KIF13A: variants seen among roughly 807,000 people sequenced by gnomAD.
KIF13A encodes the protein kinesin family member 13A.
In KIF13A, 79 loss-of-function variants were observed where a neutral mutation model predicts 212.2. The ratio of observed to expected loss-of-function variants is 0.37; its 90% CI spans 0.31 to 0.45. The LOEUF (loss-of-function observed/expected upper bound fraction) is 0.45. Among genes scored for constraint, KIF13A ranks in the 20% least tolerant of loss-of-function variants. KIF13A has a pLI of 1.00. For synonymous variants in KIF13A, 789 were observed against 808.6 expected (o/e 0.98, Z 0.41); for missense variants, 1,901 against 2,209.0 (o/e 0.86, Z 2.79).
At chr6:17,813,786 C>T (rs1399265630) in intron 17 of KIF13A, among the ~76,000 whole-genome samples, 2 of 152,060 alleles carry the variant, frequency 1.3e-5, no homozygotes, top group African/African-American at 4.8e-5. Context: ...GATCCCATCG[C>T]CCAATTTACC....
At chr6:17,882,732 T>C (rs1771191189) in intron 3 of KIF13A, among the ~76,000 whole-genome samples, 1 of 152,118 alleles carries the variant, frequency 6.6e-6, no homozygotes, top group Admixed American at 6.6e-5. Flanking sequence ...TGGCTAATTT[T>C]TGTATTTTTA....
At chr6:17,859,551 C>A (rs1768497653) in intron 4 of KIF13A, among the ~76,000 whole-genome samples, 1 of 148,998 alleles carries the variant, frequency 6.7e-6, no homozygotes, top group Admixed American at 6.7e-5. Flanking sequence ...AACTTGTATT[C>A]TTTTATTATT....
intron 25 of KIF13A, among the ~76,000 whole-genome samples, chr6:17,791,620 G>T (rs764738103): frequency 4.6e-5 from 7 of 152,110 alleles, no homozygotes; most frequent in Non-Finnish European, 1.0e-4. Context: ...GTGAACAGTT[G>T]CTGGGTGTGG....
At chr6:17,840,285 G>A (rs1253625716) in intron 9 of KIF13A, among the ~76,000 whole-genome samples, 11 of 152,068 alleles carry the variant, frequency 7.2e-5, no homozygotes, top group Admixed American at 7.2e-4. Flanking sequence ...CTCCTCCAAA[G>A]GTAACAATTT....
rs1178354149 is a variant in KIF13A at position 17,773,980 on chromosome 6, C to T, written c.4219-397G>A. ...GACAACTGTTCCATTAGTAATTCTG[C>T]CTGGGTAGAAGGCACAGCTGAGACT... On this transcript the variant is annotated intron_variant, in intron 35 of 38. Coordinates refer to ENST00000259711, the MANE Select transcript of KIF13A (RefSeq NM_022113.6). This position sits in a 1 kb window ranked among gnomAD's most constrained non-coding sequence, Gnocchi z 4.2. Among the ~76,000 whole-genome samples the T allele has an allele frequency of 6.6e-6, 1 of 152,128 alleles. No homozygotes were observed. Among genetic ancestry groups the T allele is most frequent in the Admixed American group, 6.5e-5 (1 of 15,270 alleles).
rs1219714287 is a variant in KIF13A at position 17,855,437 on chromosome 6, C to T, written c.494G>A (p.Gly165Glu). The T allele has an allele frequency of 1.2e-6, 2 of 1,606,312 alleles. No individual in the cohort carries two copies. The highest frequency in any genetic ancestry group is 2.2e-5 in the East Asian group (1 of 44,800). The stretch of plus-strand genomic sequence containing the variant: ...CACTTAATCTTGACCACTAACTTAC[C>T]CTTTGGGGTCTAAAAGATCCCGAAC... ...EKVRDLLDPK[G>E]SRQSLKVREH... Residue 165 changes from glycine to glutamate, a missense_variant and splice_region_variant, in exon 6 of 39, where the codon GGG (glycine) becomes GAG (glutamate). By Grantham distance (98) the Gly-to-Glu change is moderately conservative. Coordinates refer to ENST00000259711, the MANE Select transcript of KIF13A (RefSeq NM_022113.6). The surrounding 1 kb of genome is among the most constrained non-coding windows in gnomAD (Gnocchi z 4.1).
intron 2 of KIF13A, among the ~76,000 whole-genome samples, chr6:17,948,206 C>A (rs892861959): frequency 4.6e-5 from 7 of 152,142 alleles, no homozygotes; most frequent in Admixed American, 3.3e-4. Flanking sequence ...GCTGAAATAG[C>A]CAGACTGAAG....
At position 17,984,053 on chromosome 6, in the gene KIF13A, T is replaced by A. The variant is rs747887366; in HGVS notation, c.146+3001A>T. Among the ~76,000 whole-genome samples, 2 of 152,046 alleles carry A rather than the reference T, an allele frequency of 1.3e-5. No homozygotes were observed. Among genetic ancestry groups the A allele is most frequent in the Non-Finnish European group, 2.9e-5 (2 of 68,014 alleles). On this transcript the variant is annotated intron_variant, in intron 2 of 38. Coordinates refer to ENST00000259711, the MANE Select transcript of KIF13A (RefSeq NM_022113.6). The surrounding 1 kb of genome is among the most constrained non-coding windows in gnomAD (Gnocchi z 5.0). ...GCTAAGCCCTTGCTAAGTGCCAGTA[T>A]GCAGGAGCATGAGGTACAAAGAGAA... is the stretch of plus-strand genomic sequence containing the variant.
intron 2 of KIF13A, among the ~76,000 whole-genome samples, chr6:17,917,244 T>G (rs1245745129): frequency 1.4e-5 from 2 of 144,668 alleles, no homozygotes; most frequent in East Asian, 4.0e-4. Flanking sequence ...TCTTTTTTTT[T>G]TTTTTTTTTT....
At chr6:17,904,164 AT>A (rs1773292958) in intron 2 of KIF13A, among the ~76,000 whole-genome samples, 1 of 151,676 alleles carries the variant, frequency 6.6e-6, no homozygotes, top group South Asian at 2.1e-4. Context: ...CTCAAAAAAA[AT>A]AATAAAAATA....
intron 3 of KIF13A, among the ~76,000 whole-genome samples, chr6:17,887,696 C>T (rs1293781962): frequency 6.6e-6 from 1 of 151,870 alleles, no homozygotes; most frequent in Non-Finnish European, 1.5e-5. Flanking sequence ...TTACATACAT[C>T]TTGATTCTTT....
At chr6:17,885,726 A>G (rs781278233) in intron 3 of KIF13A, among the ~76,000 whole-genome samples, 12 of 152,234 alleles carry the variant, frequency 7.9e-5, no homozygotes, top group Non-Finnish European at 1.5e-4. Flanking sequence ...GACCAATATT[A>G]TAACAGCACA....
intron 2 of KIF13A, among the ~76,000 whole-genome samples, chr6:17,972,176 C>T (rs1206577302): frequency 2.0e-5 from 3 of 152,172 alleles, no homozygotes; most frequent in South Asian, 2.1e-4. Flanking sequence ...AATTTAACAC[C>T]GTTATCTTGA....
At chr6:17,841,202 A>G (rs1488948918) in intron 9 of KIF13A, among the ~76,000 whole-genome samples, 1 of 151,116 alleles carries the variant, frequency 6.6e-6, no homozygotes, top group Non-Finnish European at 1.5e-5. Flanking sequence ...TCTCCTGAGT[A>G]GCTGGAACTA....
downstream of KIF13A, among the ~76,000 whole-genome samples, chr6:17,763,475 C>CAAAA (rs67357010): frequency 1.2e-3 from 94 of 75,496 alleles, no homozygotes; most frequent in Middle Eastern, 7.8e-3. Context: ...CACTCCATCT[C>CAAAA]AAAAAAAAAA....
rs1436898097 is a variant in KIF13A, at chr6:17,808,752, T to C, written c.2163+16A>G. ...CTATTGTGCATCTTGCCCTCTCACTTGAAGGACATTCTTACCTTCCTATTG... is the reference window on the plus strand; with the variant it reads ...CTATTGTGCATCTTGCCCTCTCACTCGAAGGACATTCTTACCTTCCTATTG... On this transcript the variant is annotated intron_variant, in intron 18 of 38. Transcript: ENST00000259711. 5 of 1,606,208 alleles carry C rather than the reference T, an allele frequency of 3.1e-6. No individual in the cohort carries two copies. The South Asian group carries it at 4.4e-5, about 14-fold the overall frequency.
At chr6:17,801,917 C>A (rs1457971414) in intron 20 of KIF13A, among the ~76,000 whole-genome samples, 1 of 152,116 alleles carries the variant, frequency 6.6e-6, no homozygotes, top group Non-Finnish European at 1.5e-5. Context: ...TGGATAGGAG[C>A]CAGTTTAACC....
rs1164085757 is a variant in KIF13A at position 17,968,425 on chromosome 6, CA to C, written c.146+18628del. 6.6e-6 allele frequency among the ~76,000 whole-genome samples: 1 copy of C among 152,194 alleles called. No individual in the cohort carries two copies. Among genetic ancestry groups the C allele is most frequent in the Non-Finnish European group, 1.5e-5 (1 of 68,028 alleles). On this transcript the variant is annotated intron_variant, in intron 2 of 38. Transcript: ENST00000259711. The surrounding 1 kb of genome is among the most constrained non-coding windows in gnomAD (Gnocchi z 4.7). ...TCTCATGCTGACTCACAAGAATGCC[CA>C]ACTACATCAGGTTGGTGTAGGGTCC... is the stretch of plus-strand genomic sequence containing the variant.
At position 17,794,547 on chromosome 6, in the gene KIF13A, AAAAAACCC is replaced by A. The variant is rs767162890; in HGVS notation, c.3075+17_3075+24del. The stretch of plus-strand genomic sequence containing the variant: ...AGTGGAACAGAGAGAAAACATTAAA[AAAAAACCC>A]AAAACAAACTCAGTACCTGTCTAAG... On this transcript the variant is annotated intron_variant, in intron 24 of 38. Coordinates refer to ENST00000259711, the MANE Select transcript of KIF13A (RefSeq NM_022113.6). This position sits in a 1 kb window ranked among gnomAD's most constrained non-coding sequence, Gnocchi z 4.1. 3.8e-6 allele frequency: 6 copies of A among 1,584,030 alleles called. No homozygotes were observed. The highest frequency in any genetic ancestry group is 5.1e-6 in the Non-Finnish European group (6 of 1,170,508).
Sources: allele counts gnomAD v4.1 joint callset (sites outside exome capture counted in the v4.1 genomes callset), GRCh38; gene constraint gnomAD v4.1.1; non-coding constraint Gnocchi (gnomAD v3.1); transcripts MANE v1.5; gene names NCBI Gene and HGNC (gene_info 2026-07-23, HGNC 2026-07-21).